Variants in GATAD2A observed in about 807,000 individuals in gnomAD.
GATAD2A encodes transcriptional repressor p66-alpha.
A neutral mutation model predicts 68.5 loss-of-function variants in GATAD2A; 12 were observed. The ratio of observed to expected loss-of-function variants is 0.18; its 90% CI spans 0.11 to 0.28. The LOEUF is 0.28. Among genes scored for constraint, GATAD2A ranks in the 10% least tolerant of loss-of-function variants. GATAD2A has a pLI of 1.00. For synonymous variants in GATAD2A, 410 were observed against 375.3 expected, an observed-to-expected ratio of 1.09 and a Z score of -1.07; for missense variants, 755 against 868.5, an observed-to-expected ratio of 0.87 and a Z score of 1.64.
chr19:19,447,435 C>T (rs572650582), intron 1 of GATAD2A, among the ~76,000 whole-genome samples: 1 of 152,320 alleles, frequency 6.6e-6, no homozygotes, highest in African/African-American at 2.4e-5. Flanking sequence ...ACAGACCCCC[C>T]ACTCCCCCAC....
chr19:19,498,331 C>A, intron 7 of GATAD2A, 112 bp from the exon 8 acceptor site: 1 of 945,030 alleles, frequency 1.1e-6, no homozygotes, highest in Non-Finnish European at 1.6e-6. Context: ...AGGACGCCAT[C>A]GTCAAGGGTA....
intron 1 of GATAD2A, among the ~76,000 whole-genome samples, chr19:19,433,684 T>C (rs2053997604): frequency 6.6e-6 from 1 of 152,260 alleles, no homozygotes; most frequent in Admixed American, 6.5e-5. Flanking sequence ...TTAAACATGT[T>C]CAGAGAGTGT....
intron 1 of GATAD2A, among the ~76,000 whole-genome samples, chr19:19,424,638 G>T (rs2052847613): frequency 6.6e-6 from 1 of 152,004 alleles, no homozygotes; most frequent in South Asian, 2.1e-4. Flanking sequence ...CTCCCAAAAT[G>T]CTGGGATTAC....
intron 1 of GATAD2A, among the ~76,000 whole-genome samples, chr19:19,411,214 G>T (rs550866625): frequency 3.3e-5 from 5 of 152,336 alleles, no homozygotes; most frequent in African/African-American, 4.8e-5. Context: ...TCATTATTCG[G>T]CGGCTGGGAC....
chr19:19,469,947 G>GAAA (rs112539183), intron 2 of GATAD2A, among the ~76,000 whole-genome samples: 1 of 135,280 alleles, frequency 7.4e-6, no homozygotes, highest in African/African-American at 2.7e-5. Context: ...GTCTGTCTCA[G>GAAA]AAAAAAAAAA....
At chr19:19,494,266 C>T in intron 4 of GATAD2A, 28 bp from the exon 5 acceptor site, 2 of 1,422,522 alleles carry the variant, frequency 1.4e-6, no homozygotes, top group Non-Finnish European at 9.9e-7. Context: ...GGTGGCCCCT[C>T]ACCTCCTGGT....
At chr19:19,497,809 C>CA (rs2060251048) in intron 7 of GATAD2A, among the ~76,000 whole-genome samples, 2 of 152,162 alleles carry the variant, frequency 1.3e-5, no homozygotes, top group Admixed American at 6.5e-5. Flanking sequence ...GAGCCCTATC[C>CA]AGCAGTTGTG....
intron 2 of GATAD2A, among the ~76,000 whole-genome samples, chr19:19,484,230 G>T (rs562375160): frequency 6.6e-6 from 1 of 152,126 alleles, no homozygotes; most frequent in East Asian, 1.9e-4. Flanking sequence ...GTGCTCCAGC[G>T]TAGGCAACAG....
intron 1 of GATAD2A, among the ~76,000 whole-genome samples, chr19:19,434,218 A>C (rs370268043): frequency 6.6e-6 from 1 of 152,102 alleles, no homozygotes; most frequent in African/African-American, 2.4e-5. Context: ...TTTTTTATAT[A>C]TAGACCTTGA....
chr19:19,500,789 C>A (rs1469544697), intron 8 of GATAD2A, among the ~76,000 whole-genome samples: 2 of 152,232 alleles, frequency 1.3e-5, no homozygotes, highest in Non-Finnish European at 2.9e-5. Context: ...ACCTCAGCAC[C>A]CACAAAGCAC....
rs138977058 is a variant in GATAD2A, at chr19:19,399,466, C to T, written c.-7+13328C>T. On this transcript the variant is annotated intron_variant, in intron 1 of 11. Coordinates refer to the GATAD2A transcript ENST00000360315. ...TGGGTCTCCCAAAGTGCTGAGCTTA[C>T]AGGTGTGAGCCACCTCGCCCAGCCA... Among the ~76,000 whole-genome samples the T allele has an allele frequency of 2.1e-3, 322 of 152,298 alleles. 2 individuals carry two copies. Among genetic ancestry groups the T allele is most frequent in the South Asian group, 0.016 (78 of 4,834 alleles).
intron 1 of GATAD2A, chr19:19,440,025 T>C (rs1225228956): frequency 9.8e-6 from 2 of 204,804 alleles, no homozygotes; most frequent in African/African-American, 4.7e-5. Context: ...CTTAGATGTG[T>C]CAGTGTTCAG....
chr19:19,437,282 A>G (rs952642991), intron 1 of GATAD2A, among the ~76,000 whole-genome samples: 34 of 152,210 alleles, frequency 2.2e-4, no homozygotes, highest in African/African-American at 7.9e-4. Context: ...AGGCGTGTGC[A>G]ACCACACCCA....
At chr19:19,446,235 C>T (rs531888806) in intron 1 of GATAD2A, among the ~76,000 whole-genome samples, 3 of 152,238 alleles carry the variant, frequency 2.0e-5, no homozygotes, top group South Asian at 2.1e-4. Flanking sequence ...GGGTGTGAAG[C>T]GGTTTCTCAT....
chr19:19,486,828 G>C (rs1333496451), intron 2 of GATAD2A, among the ~76,000 whole-genome samples: 1 of 152,216 alleles, frequency 6.6e-6, no homozygotes, highest in Non-Finnish European at 1.5e-5. Flanking sequence ...GCAGCCCTGA[G>C]AGGCTGCGGG....
Position 19,505,621 on chromosome 19 carries a change from C to T in GATAD2A, c.*147C>T. 1 of 678,478 alleles carries T rather than the reference C, an allele frequency of 1.5e-6. No homozygotes were observed. The highest frequency in any genetic ancestry group is 2.3e-6 in the Non-Finnish European group (1 of 433,430). 42.0% of individuals were successfully genotyped at this position (678,478 alleles called of 1,614,324 possible). A position where few individuals can be genotyped will look rare whatever the true frequency, so the allele number is the denominator to read the frequency against. On this transcript the variant is annotated 3_prime_UTR_variant, in exon 12 of 12. Transcript: ENST00000683918. ...CACCGGCCATGCTGCAGAGGCAAGA[C>T]CTCAATTCTTGGCTGCAAAGTTTCA...
intron 1 of GATAD2A, among the ~76,000 whole-genome samples, chr19:19,409,443 AAGTTGGCAATGTCAT>A (rs2050666046): frequency 6.6e-6 from 1 of 152,086 alleles, no homozygotes; most frequent in Non-Finnish European, 1.5e-5. Flanking sequence ...CCAGAAGAAC[AAGTTGGCAATGTCAT>A]AGTTTGAGGC....
intron 4 of GATAD2A, among the ~76,000 whole-genome samples, chr19:19,493,723 C>G (rs1166018010): frequency 6.6e-6 from 1 of 151,594 alleles, no homozygotes; most frequent in African/African-American, 2.4e-5. Flanking sequence ...AACCCTGCCC[C>G]CACTGCCCCC....
chr19:19,390,444 C>A (rs543516933), intron 1 of GATAD2A, among the ~76,000 whole-genome samples: 2 of 152,040 alleles, frequency 1.3e-5, no homozygotes, highest in Non-Finnish European at 1.5e-5. Context: ...TAAAAATGCC[C>A]AAAGAGAAAG....
Sources: gnomAD v4.1 joint callset for allele counts (sites outside exome capture counted in the v4.1 genomes callset) on GRCh38, gnomAD v4.1.1 for gene constraint, MANE v1.5 for transcripts, NCBI Gene and HGNC (gene_info 2026-07-23, HGNC 2026-07-21) for gene names.